FNDC3A: variants seen among roughly 807,000 people sequenced by gnomAD.
FNDC3A encodes fibronectin type-III domain-containing protein 3A.
In FNDC3A, 32 loss-of-function variants were observed where a neutral mutation model predicts 148.9. The observed-to-expected ratio is 0.21, with a 90% CI of 0.16 to 0.29. The LOEUF is 0.29. Ranked by LOEUF, FNDC3A falls within the 10% of genes least tolerant of loss-of-function variation. The probability of loss-of-function intolerance (pLI) is 1.00; values close to 1 mark genes in which losing one functional copy is unlikely to be tolerated. For synonymous variants in FNDC3A, 472 were observed against 473.6 expected (o/e 1.00, Z 0.04); for missense variants, 1,191 against 1,452.8 (o/e 0.82, Z 2.93).
chr13:49,153,602 G>C (rs1883462546), intron 8 of FNDC3A, among the ~76,000 whole-genome samples: 1 of 152,014 alleles, frequency 6.6e-6, no homozygotes, highest in Non-Finnish European at 1.5e-5. Context: ...CCATGCCTAT[G>C]TCCTGAATGG....
intron 14 of FNDC3A, among the ~76,000 whole-genome samples, chr13:49,184,748 G>A (rs1426237956): frequency 6.6e-6 from 1 of 152,178 alleles, no homozygotes; most frequent in Non-Finnish European, 1.5e-5. Context: ...TTACAGGTAG[G>A]TGTAGGTAAA....
chr13:49,097,482 G>C (rs1879607476), intron 3 of FNDC3A, among the ~76,000 whole-genome samples: 1 of 152,086 alleles, frequency 6.6e-6, no homozygotes, highest in South Asian at 2.1e-4. Context: ...CTATGTCAGA[G>C]TAATGATGAC....
intron 25 of FNDC3A, among the ~76,000 whole-genome samples, chr13:49,204,304 A>G (rs1053814757): frequency 4.6e-5 from 7 of 152,156 alleles, no homozygotes; most frequent in Non-Finnish European, 7.4e-5. Context: ...TTAAATACCT[A>G]TACATTTCAC....
chr13:49,180,845 A>C (rs1299072522), intron 14 of FNDC3A, among the ~76,000 whole-genome samples: 1 of 152,068 alleles, frequency 6.6e-6, no homozygotes, highest in African/African-American at 2.4e-5. Context: ...CAGTCAGCCA[A>C]GATTATGCCA....
chr13:48,995,581 TTATAAA>T (rs1338174932), intron 1 of FNDC3A, among the ~76,000 whole-genome samples: 1 of 152,176 alleles, frequency 6.6e-6, no homozygotes, highest in Non-Finnish European at 1.5e-5. Flanking sequence ...TACATTTCTA[TTATAAA>T]TATAGAAGAT....
At chr13:49,137,502 G>T (rs1294621719) in intron 6 of FNDC3A, among the ~76,000 whole-genome samples, 1 of 151,970 alleles carries the variant, frequency 6.6e-6, no homozygotes, top group Non-Finnish European at 1.5e-5. Context: ...ATGCCACCAC[G>T]CCCAACTACT....
chr13:49,003,096 C>G (rs984947436), intron 1 of FNDC3A, among the ~76,000 whole-genome samples: 2 of 152,064 alleles, frequency 1.3e-5, no homozygotes, highest in Non-Finnish European at 2.9e-5. Flanking sequence ...GACAGAGTCT[C>G]GCTCTGTCAC....
At chr13:49,166,709 C>T (rs988599154) in intron 8 of FNDC3A, among the ~76,000 whole-genome samples, 5 of 152,202 alleles carry the variant, frequency 3.3e-5, no homozygotes, top group Non-Finnish European at 7.3e-5. Flanking sequence ...AGGCTCCCAG[C>T]TGATTGCAGC....
chr13:49,206,353 T>G (rs1886644548), intron 25 of FNDC3A, among the ~76,000 whole-genome samples: 1 of 151,968 alleles, frequency 6.6e-6, no homozygotes, highest in Admixed American at 6.5e-5. Flanking sequence ...TTATGCCTAG[T>G]GTTCCATTAT....
At chr13:49,048,928 T>A (rs897389056) in intron 2 of FNDC3A, among the ~76,000 whole-genome samples, 2 of 152,200 alleles carry the variant, frequency 1.3e-5, no homozygotes, top group Non-Finnish European at 2.9e-5. Context: ...CTTTTTCTTG[T>A]TCAGTATAAT....
intron 8 of FNDC3A, among the ~76,000 whole-genome samples, chr13:49,153,151 C>G (rs1002088435): frequency 3.9e-5 from 6 of 151,926 alleles, no homozygotes; most frequent in Non-Finnish European, 8.8e-5. Flanking sequence ...TAAAAGTGTT[C>G]CTATTTCTCC....
chr13:49,140,170 A>G (rs1593648319), intron 7 of FNDC3A, among the ~76,000 whole-genome samples: 1 of 152,112 alleles, frequency 6.6e-6, no homozygotes, highest in Non-Finnish European at 1.5e-5. Flanking sequence ...TCGTCTCTAC[A>G]AAAAACAAAT....
intron 1 of FNDC3A, among the ~76,000 whole-genome samples, chr13:48,997,546 C>A (rs1952045468): frequency 6.6e-6 from 1 of 151,958 alleles, no homozygotes; most frequent in Non-Finnish European, 1.5e-5. Flanking sequence ...AGCATGGGGT[C>A]CCCATGATCA....
At chr13:49,138,665 T>C (rs559441953) in intron 6 of FNDC3A, 82 bp from the exon 7 acceptor site, 2 of 641,500 alleles carry the variant, frequency 3.1e-6, no homozygotes, top group Admixed American at 6.1e-5. Context: ...ACCAACCTAG[T>C]TTCAGAATAC....
intron 23 of FNDC3A, 136 bp downstream of exon 23, chr13:49,198,710 T>C (rs1886277702): frequency 2.9e-6 from 2 of 690,670 alleles, no homozygotes; most frequent in Non-Finnish European, 4.9e-6. Context: ...GGCAGGCGAA[T>C]TGCTTGAGCC....
intron 2 of FNDC3A, among the ~76,000 whole-genome samples, chr13:49,039,133 G>A (rs541086476): frequency 2.0e-4 from 30 of 152,212 alleles, no homozygotes; most frequent in Admixed American, 5.9e-4. Context: ...TAGACTGATA[G>A]ATATTAAGTA....
chr13:48,992,888 A>C (rs1373762608), intron 1 of FNDC3A, among the ~76,000 whole-genome samples: 2 of 152,178 alleles, frequency 1.3e-5, no homozygotes, highest in Non-Finnish European at 2.9e-5. Flanking sequence ...TATAACAACT[A>C]CTTGATGCGT....
intron 2 of FNDC3A, among the ~76,000 whole-genome samples, chr13:49,039,509 A>G (rs995144294): frequency 3.3e-5 from 5 of 152,168 alleles, no homozygotes; most frequent in African/African-American, 1.2e-4. Context: ...AATTTTATAT[A>G]TGAACCTCTT....
chr13:49,104,670 C>T (rs1880061037), intron 3 of FNDC3A, among the ~76,000 whole-genome samples: 1 of 152,134 alleles, frequency 6.6e-6, no homozygotes, highest in Non-Finnish European at 1.5e-5. Flanking sequence ...ATTTTAATTG[C>T]ATTATTGTGC....
Sources: allele counts gnomAD v4.1 joint callset (sites outside exome capture counted in the v4.1 genomes callset), GRCh38; gene constraint gnomAD v4.1.1; transcripts MANE v1.5; gene names NCBI Gene and HGNC (gene_info 2026-07-23, HGNC 2026-07-21).